The following ALDH16A1 variants were observed in gnomAD, a reference collection of about 807,000 sequenced individuals.
ALDH16A1 encodes aldehyde dehydrogenase family 16 member A1.
A neutral mutation model predicts 96.1 loss-of-function variants in ALDH16A1; 88 were observed. The observed-to-expected ratio is 0.92, with a 90% CI of 0.77 to 1.09. The LOEUF (loss-of-function observed/expected upper bound fraction) is 1.09, where lower values mean the gene tolerates loss of function less well. Among genes scored for constraint, ALDH16A1 ranks in the 50% least tolerant of loss-of-function variants. The pLI, the probability that ALDH16A1 is intolerant of heterozygous loss-of-function variation, is 0.00. For synonymous variants in ALDH16A1, 522 were observed against 496.4 expected, an observed-to-expected ratio of 1.05 and a Z score of -0.69; for missense variants, 1,250 against 1,112.6, an observed-to-expected ratio of 1.12 and a Z score of -1.76.
intron 1 of ALDH16A1, among the ~76,000 whole-genome samples, chr19:49,453,910 C>A (rs895191195): frequency 3.0e-4 from 46 of 152,208 alleles, no homozygotes; most frequent in African/African-American, 1.0e-3. Context: ...TTCAGAACTT[C>A]CATGGAGCCC....
At position 49,459,777 on chromosome 19, in the gene ALDH16A1, A is replaced by G. The variant is rs780928478; in HGVS notation, c.428A>G (p.Gln143Arg). The part of the protein sequence containing the change: ...EVRDGDVQLA[Q>R]QLLHYHAIQA... ...CGAGACGGGGACGTCCAGCTGGCCC[A>G]GCAGCTGCTCCACTACCATGCAATC... is the stretch of plus-strand genomic sequence containing the variant. The change falls in exon 4 of 17, where the codon CAG (glutamine) becomes CGG (arginine). Residue 143 changes from glutamine to arginine, a missense_variant. Transcript: ENST00000293350. The surrounding 1 kb of genome is among the most constrained non-coding windows in gnomAD (Gnocchi z 4.1). 1.2e-6 allele frequency: 2 copies of G among 1,613,568 alleles called. No homozygotes were observed. Among genetic ancestry groups the G allele is most frequent in the Admixed American group, 3.3e-5 (2 of 59,974 alleles).
rs764960127 is a variant in ALDH16A1, at chr19:49,461,693, G to A, written c.652G>A (p.Gly218Ser). The A allele has an allele frequency of 9.3e-6, 15 of 1,608,328 alleles. No individual in the cohort carries two copies. Among genetic ancestry groups the A allele is most frequent in the Admixed American group, 1.7e-5 (1 of 59,748 alleles). Residue 218 changes from glycine (G) to serine (S), a missense_variant, in exon 6 of 17, where the codon GGC becomes AGC. By Grantham distance (56) the Gly-to-Ser change is moderately conservative. Coordinates refer to ENST00000293350, the MANE Select transcript of ALDH16A1 (RefSeq NM_153329.4). ...CCTGGCCCAGCTGGCGGGGGAGCTG[G>A]GCCCCTTCCCGGGAATCCTGAATGT... ...LLLAQLAGEL[G>S]PFPGILNVLS...
intron 12 of ALDH16A1, 90 bp from the exon 13 acceptor site, chr19:49,465,648 G>A: frequency 1.4e-6 from 2 of 1,458,098 alleles, no homozygotes; most frequent in Non-Finnish European, 1.9e-6. Flanking sequence ...AGGCTCACGG[G>A]AGCCAAGGCA....
In ALDH16A1 at chr19:49,459,599, A is replaced by G. The variant is rs898655844; in HGVS notation, c.321-71A>G. 8.8e-5 allele frequency: 132 copies of G among 1,497,214 alleles called. No homozygotes were observed. Among genetic ancestry groups the G allele is most frequent in the Non-Finnish European group, 1.1e-4 (127 of 1,122,056 alleles). 92.7% of individuals were successfully genotyped at this position (1,497,214 alleles called of 1,614,324 possible). ...CTCATGGGGATTGTAGTCCAGGTAT[A>G]TAGGAGCAGCCCAGGACTCTGCAAG... On this transcript the variant is annotated intron_variant, in intron 3 of 16. Transcript: ENST00000293350. This position sits in a 1 kb window ranked among gnomAD's most constrained non-coding sequence, Gnocchi z 4.1.
Position 49,470,695 on chromosome 19 carries a change from C to T in ALDH16A1, c.*228C>T. 2.4e-6 allele frequency: 1 copy of T among 412,336 alleles called. No homozygotes were observed. The highest frequency in any genetic ancestry group is 4.1e-6 in the Non-Finnish European group (1 of 243,546). 25.5% of individuals were successfully genotyped at this position (412,336 alleles called of 1,614,324 possible). A position where few individuals can be genotyped will look rare whatever the true frequency, so the allele number is the denominator to read the frequency against. Reference sequence around the variant, plus strand: ...ACAACGTCTGGCTCTGTCACCCAGGCTGGAGCGCAGTGGCACAATCTCGGC... The same window carrying T: ...ACAACGTCTGGCTCTGTCACCCAGGTTGGAGCGCAGTGGCACAATCTCGGC... On this transcript the variant is annotated 3_prime_UTR_variant, in exon 17 of 17. Transcript: ENST00000293350.
At position 49,464,465 on chromosome 19, in the gene ALDH16A1, T is replaced by A. The variant is rs1568654504; in HGVS notation, c.1380T>A (p.Pro460=). The part of the protein sequence containing the change: ...VWINAHGLRD[P]SVPTGGCKES... ...TCAACGCCCACGGCCTCAGAGACCC[T>A]TCGGTGCCCACAGGCGGCTGCAAGG... Residue 460 remains proline (P), a synonymous_variant, in exon 11 of 17, where the codon CCT becomes CCA. Transcript: ENST00000293350. The A allele has an allele frequency of 6.2e-7, 1 of 1,612,206 alleles. No individual in the cohort carries two copies. Among genetic ancestry groups the A allele is most frequent in the Non-Finnish European group, 8.5e-7 (1 of 1,179,362 alleles).
intron 12 of ALDH16A1, 68 bp from the exon 13 acceptor site, chr19:49,465,670 G>A (rs2079191367): frequency 2.6e-6 from 4 of 1,520,734 alleles, no homozygotes; most frequent in Non-Finnish European, 8.9e-7. Context: ...TCTTCCCAGT[G>A]CGGTAGAGCA....
intron 4 of ALDH16A1, 129 bp from the exon 5 acceptor site, chr19:49,460,693 C>T (rs1263289365): frequency 4.5e-5 from 35 of 771,220 alleles, no homozygotes; most frequent in African/African-American, 1.4e-4. Flanking sequence ...AGATTACAGG[C>T]GTGAGCCACC....
chr19:49,462,970 G>A (rs1214010880), intron 8 of ALDH16A1, among the ~76,000 whole-genome samples: 2 of 117,348 alleles, frequency 1.7e-5, no homozygotes, highest in East Asian at 2.4e-4. Context: ...CTGGGTCTGA[G>A]GGAGGAGGGG....
rs889077559 is a variant in ALDH16A1, at chr19:49,468,384, G to C, written c.1942G>C (p.Ala648Pro). 3.8e-6 allele frequency: 6 copies of C among 1,598,422 alleles called. No individual in the cohort carries two copies. In the African/African-American group the frequency reaches 8.0e-5, roughly 21 times the overall value. ...CGTGACCCACCTGTCCCTGCAGGTA[G>C]CCGGGCTGAGAGGCCCTGTGCTGCG... Reference protein sequence around the residue: ...VQAQGHTLQVAGLRGPVLRLR... With the variant: ...VQAQGHTLQVPGLRGPVLRLR... The change falls in exon 15 of 17, where the codon GCC becomes CCC. Residue 648 changes from alanine to proline, a missense_variant. By Grantham distance (27) the Ala-to-Pro change is conservative. Coordinates refer to ENST00000293350, the MANE Select transcript of ALDH16A1 (RefSeq NM_153329.4). This position sits in a 1 kb window ranked among gnomAD's most constrained non-coding sequence, Gnocchi z 4.4.
intron 14 of ALDH16A1, among the ~76,000 whole-genome samples, chr19:49,467,396 CTTT>C (rs111994857): frequency 8.4e-5 from 11 of 131,132 alleles, no homozygotes; most frequent in East Asian, 2.2e-4. Context: ...TTCTTTCTTT[CTTT>C]TTTTTTTTTT....
intron 5 of ALDH16A1, among the ~76,000 whole-genome samples, chr19:49,461,251 T>TG (rs1436966819): frequency 1.1e-5 from 1 of 90,642 alleles, no homozygotes; most frequent in Admixed American, 1.1e-4. Context: ...GAGGAGGGGC[T>TG]GGGGTCTGGA....
At position 49,468,823 on chromosome 19, in the gene ALDH16A1, C is replaced by T; in HGVS notation, c.2125-41C>T. ...CCTGAATGCCCACTCCTTGCCCTGC[C>T]CCCACGGCCTCCCCAACCTTTCACT... On this transcript the variant is annotated intron_variant, in intron 15 of 16. Transcript: ENST00000293350. This position sits in a 1 kb window ranked among gnomAD's most constrained non-coding sequence, Gnocchi z 4.4. 6.3e-7 allele frequency: 1 copy of T among 1,598,720 alleles called. No homozygotes were observed. The highest frequency in any genetic ancestry group is 2.2e-5 in the East Asian group (1 of 44,586).
rs116863038 is a variant in ALDH16A1 at position 49,464,931 on chromosome 19, C to T, written c.1568+169C>T. ...TTTCCCTACCCCAGGCCTGCCGAGA[C>T]TCTCAGCTCTGCCCCATGAATGTCT... is the stretch of plus-strand genomic sequence containing the variant. On this transcript the variant is annotated intron_variant, in intron 12 of 16. Coordinates refer to ENST00000293350, the MANE Select transcript of ALDH16A1 (RefSeq NM_153329.4). 2.0e-5 allele frequency among the ~76,000 whole-genome samples: 3 copies of T among 152,380 alleles called. No homozygotes were observed. In the East Asian group the frequency reaches 5.8e-4, roughly 29 times the overall value.
intron 6 of ALDH16A1, 36 bp downstream of exon 6, chr19:49,461,836 TGGGGGCCGC>T: frequency 1.9e-6 from 3 of 1,602,048 alleles, no homozygotes; most frequent in Non-Finnish European, 2.6e-6. Flanking sequence ...GGAACGCGGC[TGGGGGCCGC>T]AAGGCTCCTC....
At chr19:49,465,062 G>T (rs2079187105) in intron 12 of ALDH16A1, among the ~76,000 whole-genome samples, 1 of 152,028 alleles carries the variant, frequency 6.6e-6, no homozygotes, top group African/African-American at 2.4e-5. Context: ...GGAGCTTGGG[G>T]TCCCCCAGAG....
rs921803104 is a variant in ALDH16A1 at position 49,459,509 on chromosome 19, G to A, written c.321-161G>A. Among the ~76,000 whole-genome samples, 3 of 152,200 alleles carry A rather than the reference G, an allele frequency of 2.0e-5. No homozygotes were observed. Among genetic ancestry groups the A allele is most frequent in the Non-Finnish European group, 4.4e-5 (3 of 68,036 alleles). ...GCATCCTCAGGGTTTGTGTTTCCAT[G>A]ACTATAATTCTCATAAATCTTCACT... On this transcript the variant is annotated intron_variant, in intron 3 of 16. Transcript: ENST00000293350. This position sits in a 1 kb window ranked among gnomAD's most constrained non-coding sequence, Gnocchi z 4.1.
chr19:49,453,369 T>C lies in ALDH16A1; in HGVS notation c.38T>C (p.Ile13Thr), dbSNP rs983251311. Reference sequence around the variant, plus strand: ...CGTGCAGGGCCCCGCGCCCGCGAGATCTTCACCTCGCTGGAGTACGGACCG... The same window carrying C: ...CGTGCAGGGCCCCGCGCCCGCGAGACCTTCACCTCGCTGGAGTACGGACCG... The part of the protein sequence containing the change: ...ATRAGPRARE[I>T]FTSLEYGPVP... The change falls in exon 1 of 17, where the codon ATC becomes ACC. Residue 13 changes from isoleucine (I) to threonine (T), a missense_variant. Transcript: ENST00000293350. 1 of 1,572,684 alleles carries C rather than the reference T, an allele frequency of 6.4e-7. No individual in the cohort carries two copies. The highest frequency in any genetic ancestry group is 8.6e-7 in the Non-Finnish European group (1 of 1,161,862).
At chr19:49,461,433 G>GGC (rs1555799447) in intron 5 of ALDH16A1, among the ~76,000 whole-genome samples, 186 bp from the exon 6 acceptor site, 6 of 54,134 alleles carry the variant, frequency 1.1e-4, no homozygotes, top group Non-Finnish European at 2.1e-4. Context: ...GGAGGGGCTG[G>GGC]GCCTGGACTC....
Sources: gnomAD v4.1 joint callset for allele counts (sites outside exome capture counted in the v4.1 genomes callset) on GRCh38, gnomAD v4.1.1 for gene constraint, Gnocchi (gnomAD v3.1) non-coding constraint, MANE v1.5 for transcripts, NCBI Gene and HGNC (gene_info 2026-07-23, HGNC 2026-07-21) for gene names.